The following PCDHGA7 variants were observed in gnomAD, a reference collection of about 807,000 sequenced individuals.
PCDHGA7 encodes the protein protocadherin gamma subfamily A, 7.
Under a neutral mutation model 58.3 loss-of-function variants are expected in PCDHGA7, and 44 were observed. The ratio of observed to expected loss-of-function variants is 0.75; its 90% CI spans 0.59 to 0.97. PCDHGA7 has a LOEUF of 0.97. Ranked by LOEUF, PCDHGA7 falls within the 50% of genes least tolerant of loss-of-function variation. The pLI is 0.00. For missense variants in PCDHGA7, 1,266 were observed against 1,188.7 expected, an observed-to-expected ratio of 1.06 and a Z score of -0.96; for synonymous variants, 516 against 504.2, an observed-to-expected ratio of 1.02 and a Z score of -0.31.
chr5:141,418,714 T>C, intron 1 of PCDHGA7: 4 of 1,614,000 alleles, frequency 2.5e-6, no homozygotes, highest in Non-Finnish European at 3.4e-6. Flanking sequence ...TTGGTGTGGC[T>C]GACAAAGCTC....
chr5:141,412,559 G>C (rs1408913988), intron 1 of PCDHGA7: 2 of 152,100 alleles, frequency 1.3e-5, no homozygotes, highest in African/African-American at 4.8e-5. Context: ...TATCTCATGA[G>C]TTTATTTAAT....
At position 141,384,961 on chromosome 5, in the gene PCDHGA7, G is replaced by A. The variant is rs774549251; in HGVS notation, c.2062G>A (p.Asp688Asn). Residue 688 changes from aspartate to asparagine, a missense_variant, in exon 1 of 4, where the codon GAC (aspartate) becomes AAC (asparagine). Coordinates refer to ENST00000518325, the MANE Select transcript of PCDHGA7 (RefSeq NM_018920.4). The part of the protein sequence containing the change: ...LEPSDGPYNY[D>N]LTLYLVVAVA... ...GCCCTCCGACGGTCCTTACAACTATGACCTCACGTTGTACCTGGTGGTGGC... is the reference window on the plus strand; with the variant it reads ...GCCCTCCGACGGTCCTTACAACTATAACCTCACGTTGTACCTGGTGGTGGC... The A allele has an allele frequency of 6.2e-7, 1 of 1,614,096 alleles. No homozygotes were observed. Among genetic ancestry groups the A allele is most frequent in the South Asian group, 1.1e-5 (1 of 91,080 alleles).
intron 1 of PCDHGA7, chr5:141,408,782 T>A: frequency 6.2e-7 from 1 of 1,612,108 alleles, no homozygotes. Context: ...ATACCCAGAG[T>A]TATCTCTGGA....
chr5:141,490,313 C>G lies in PCDHGA7; in HGVS notation c.2425-4494C>G. The G allele has an allele frequency of 6.2e-7, 1 of 1,614,222 alleles. No individual in the cohort carries two copies. The highest frequency in any genetic ancestry group is 8.5e-7 in the Non-Finnish European group (1 of 1,180,024). Reference sequence around the variant, plus strand: ...GTGCTATTGGCCTCTTTGGCCAACCCTGTCCTAGAGAGCACACCAGTGGGC... The same window carrying G: ...GTGCTATTGGCCTCTTTGGCCAACCGTGTCCTAGAGAGCACACCAGTGGGC... On this transcript the variant is annotated intron_variant, in intron 1 of 3. Transcript: ENST00000518325. The surrounding 1 kb of genome is among the most constrained non-coding windows in gnomAD (Gnocchi z 5.4).
chr5:141,391,135 C>T (rs1481057033), intron 1 of PCDHGA7: 2 of 152,104 alleles, frequency 1.3e-5, no homozygotes, highest in Non-Finnish European at 2.9e-5. Flanking sequence ...AATCATTCTC[C>T]TACCTCTAGG....
In PCDHGA7 at chr5:141,388,127, C is replaced by T. The variant is rs760517049; in HGVS notation, c.2424+2804C>T. 21 of 1,427,554 alleles carry T rather than the reference C, an allele frequency of 1.5e-5. No homozygotes were observed. The African/African-American group carries it at 2.9e-4, about 20-fold the overall frequency. The allele number at this position is 1,427,554 out of a possible 1,614,324, so 88.4% of individuals were successfully genotyped here. On this transcript the variant is annotated intron_variant, in intron 1 of 3. Coordinates refer to ENST00000518325, the MANE Select transcript of PCDHGA7 (RefSeq NM_018920.4). ...CTTACTTCACCGTGAGCGCAGAGAG[C>T]GGGGAGTTGCTTGTGAGCAGCAGGC...
chr5:141,407,497 G>GTTTTTTTTTTTTTTTTT (rs1554102286), intron 1 of PCDHGA7, among the ~76,000 whole-genome samples: 2 of 151,970 alleles, frequency 1.3e-5, no homozygotes, highest in African/African-American at 4.8e-5. Context: ...CTTTATTTCT[G>GTTTTTTTTTTTTTTTTT]TTTTTCTTAG....
At chr5:141,385,479 T>A in intron 1 of PCDHGA7, 156 bp downstream of exon 1, 6 of 1,429,214 alleles carry the variant, frequency 4.2e-6, no homozygotes, top group Non-Finnish European at 5.5e-6. Flanking sequence ...CACTTTAATA[T>A]AGAACACATA....
At chr5:141,395,070 T>C (rs1222192652) in intron 1 of PCDHGA7, 1 of 1,614,158 alleles carries the variant, frequency 6.2e-7, no homozygotes, top group Non-Finnish European at 8.5e-7. Context: ...CCTGCAGACC[T>C]ATTCCCAGGA....
intron 1 of PCDHGA7, chr5:141,422,221 A>T (rs1267909650): frequency 1.3e-6 from 2 of 1,565,034 alleles, no homozygotes; most frequent in Admixed American, 4.0e-5. Context: ...CTTTACCACC[A>T]CGACGATGTT....
intron 1 of PCDHGA7, among the ~76,000 whole-genome samples, chr5:141,456,668 T>G (rs2098874996): frequency 1.3e-5 from 2 of 152,254 alleles, no homozygotes; most frequent in Admixed American, 6.5e-5. Context: ...ATGTTTCATT[T>G]AAAAATGCAT....
At chr5:141,433,732 G>A (rs1181042854) in intron 1 of PCDHGA7, among the ~76,000 whole-genome samples, 2 of 151,886 alleles carry the variant, frequency 1.3e-5, no homozygotes, top group Non-Finnish European at 2.9e-5. Flanking sequence ...AGCTACTTGG[G>A]AGGCTGAGTC....
chr5:141,399,527 T>A (rs781680585), intron 1 of PCDHGA7: 2 of 1,614,016 alleles, frequency 1.2e-6, no homozygotes, highest in East Asian at 2.2e-5. Context: ...GGGGCCTCCA[T>A]CGCGCAAGTC....
intron 1 of PCDHGA7, among the ~76,000 whole-genome samples, chr5:141,450,814 A>C (rs990515429): frequency 1.5e-5 from 2 of 136,790 alleles, no homozygotes; most frequent in Non-Finnish European, 3.1e-5. Context: ...TTATTTATTT[A>C]ATATTATTAT....
Position 141,490,271 on chromosome 5 carries a change from A to G in PCDHGA7, c.2425-4536A>G, listed in dbSNP as rs750463186. 6.8e-6 allele frequency: 11 copies of G among 1,614,246 alleles called. No homozygotes were observed. Among genetic ancestry groups the G allele is most frequent in the Non-Finnish European group, 8.5e-6 (10 of 1,180,054 alleles). On this transcript the variant is annotated intron_variant, in intron 1 of 3. Coordinates refer to ENST00000518325, the MANE Select transcript of PCDHGA7 (RefSeq NM_018920.4). The surrounding 1 kb of genome is among the most constrained non-coding windows in gnomAD (Gnocchi z 5.4). The stretch of plus-strand genomic sequence containing the variant: ...ATTCAAGTGGATGTGGGGGATGTCA[A>G]TGACAATGCCCCAGAGGTGCTATTG...
In PCDHGA7 at chr5:141,438,615, TATATATATATATATATATATACACAC is replaced by T. The variant is rs1337184558; in HGVS notation, c.2424+53294_2424+53319del. ...ACATATATATATATATATATATATATATATATATATATATATATATACACACACACACACACATATATGTATATATA... is the reference window on the plus strand; with the variant it reads ...ACATATATATATATATATATATATATACACACACACATATATGTATATATA... On this transcript the variant is annotated intron_variant, in intron 1 of 3. Coordinates refer to ENST00000518325, the MANE Select transcript of PCDHGA7 (RefSeq NM_018920.4). 3.6e-3 allele frequency among the ~76,000 whole-genome samples: 130 copies of T among 35,912 alleles called. 2 individuals are homozygous for T. Among genetic ancestry groups the T allele is most frequent in the African/African-American group, 0.022 (107 of 4,918 alleles). The allele number at this position is 35,912 out of a possible 152,430, so 23.6% of individuals were successfully genotyped here.
intron 1 of PCDHGA7, chr5:141,393,869 G>A: frequency 1.2e-6 from 2 of 1,613,982 alleles, no homozygotes; most frequent in Non-Finnish European, 1.7e-6. Context: ...TTACGTCTTT[G>A]TTTAGCCCAG....
intron 1 of PCDHGA7, chr5:141,408,288 T>C (rs755091342): frequency 6.2e-7 from 1 of 1,613,234 alleles, no homozygotes; most frequent in Non-Finnish European, 8.5e-7. Context: ...TACCCCACCC[T>C]GAGTGAGCCG....
intron 1 of PCDHGA7, among the ~76,000 whole-genome samples, chr5:141,457,873 G>C (rs967389295): frequency 2.0e-5 from 3 of 152,200 alleles, no homozygotes; most frequent in Non-Finnish European, 4.4e-5. Context: ...CCACAGGTTA[G>C]GAACCCTGTG....
Sources: allele counts gnomAD v4.1 joint callset (sites outside exome capture counted in the v4.1 genomes callset), GRCh38; gene constraint gnomAD v4.1.1; non-coding constraint Gnocchi (gnomAD v3.1); transcripts MANE v1.5; gene names NCBI Gene and HGNC (gene_info 2026-07-23, HGNC 2026-07-21).